COL22A1: variants seen among roughly 807,000 people sequenced by gnomAD.
COL22A1 encodes the protein collagen alpha-1(XXII) chain.
Under a neutral mutation model 248.9 loss-of-function variants are expected in COL22A1, and 221 were observed. The observed-to-expected ratio is 0.89, with a 90% CI of 0.80 to 0.99. COL22A1 has a LOEUF of 0.99. Among genes scored for constraint, COL22A1 ranks in the 50% least tolerant of loss-of-function variants. The pLI is 0.00. For synonymous variants in COL22A1, 891 were observed against 793.4 expected, an observed-to-expected ratio of 1.12 and a Z score of -2.07; for missense variants, 2,240 against 2,179.0, an observed-to-expected ratio of 1.03 and a Z score of -0.56.
intron 3 of COL22A1, among the ~76,000 whole-genome samples, chr8:138,860,549 T>C (rs934668792): frequency 5.3e-5 from 8 of 152,208 alleles, no homozygotes; most frequent in African/African-American, 1.4e-4. Flanking sequence ...TGGTGACTCA[T>C]GTAGTCCCAG....
chr8:138,861,800 A>G (rs140047919), intron 3 of COL22A1, among the ~76,000 whole-genome samples: 34 of 152,304 alleles, frequency 2.2e-4, no homozygotes, highest in African/African-American at 7.9e-4. Flanking sequence ...AACTGCTCCA[A>G]TGGGTGGAAG....
At chr8:138,631,809 TG>T (rs1176614639) in intron 49 of COL22A1, among the ~76,000 whole-genome samples, 1 of 152,158 alleles carries the variant, frequency 6.6e-6, no homozygotes, top group Non-Finnish European at 1.5e-5. Flanking sequence ...ATCCCTGCCC[TG>T]GGGAGGTCCC....
intron 10 of COL22A1, among the ~76,000 whole-genome samples, chr8:138,806,157 T>TGTGAGG (rs1817692015): frequency 2.6e-5 from 2 of 75,962 alleles, no homozygotes; most frequent in African/African-American, 1.5e-4. Flanking sequence ...TGTGATGGTG[T>TGTGAGG]GTGTGTGTGA....
At chr8:138,661,269 T>A (rs1823932848) in intron 43 of COL22A1, among the ~76,000 whole-genome samples, 1 of 152,126 alleles carries the variant, frequency 6.6e-6, no homozygotes, top group South Asian at 2.1e-4. Flanking sequence ...GACAGTAACC[T>A]TCTCTTTGGA....
chr8:138,618,613 T>G (rs1424693442), intron 53 of COL22A1, among the ~76,000 whole-genome samples: 2 of 152,238 alleles, frequency 1.3e-5, no homozygotes, highest in Non-Finnish European at 2.9e-5. Flanking sequence ...TTTATTTTTG[T>G]ATTTTATTTC....
chr8:138,899,150 C>T (rs898659988), intron 1 of COL22A1, among the ~76,000 whole-genome samples: 2 of 152,140 alleles, frequency 1.3e-5, no homozygotes, highest in African/African-American at 4.8e-5. Flanking sequence ...TTATTCTCCC[C>T]TTTCTCCTTT....
Position 138,604,730 on chromosome 8 carries a change from T to G in COL22A1, c.4140+4A>C. On this transcript the variant is annotated splice_donor_region_variant and intron_variant, in intron 59 of 64. Transcript: ENST00000303045. ...CAAGGGGTGAGTGGGCGTGTGATAC[T>G]TGCCTCCTTGCCTGGGACTCCTTTC... is the stretch of plus-strand genomic sequence containing the variant. 1 of 1,612,860 alleles carries G rather than the reference T, an allele frequency of 6.2e-7. No individual in the cohort carries two copies. Among genetic ancestry groups the G allele is most frequent in the Admixed American group, 1.7e-5 (1 of 59,936 alleles).
At chr8:138,637,693 T>G (rs1191293416) in intron 47 of COL22A1, among the ~76,000 whole-genome samples, 1 of 152,200 alleles carries the variant, frequency 6.6e-6, no homozygotes, top group Non-Finnish European at 1.5e-5. Context: ...AATAGTATCT[T>G]TGTCATGGGG....
rs577499071 is a variant in COL22A1 at position 138,890,196 on chromosome 8, A to AT, written c.-72-6953dup. ...TGACAAAACCCAGCACCCTTTCATG[A>AT]TAAAAAAAATAAAATAAGACTATAA... On this transcript the variant is annotated intron_variant, in intron 1 of 64. Transcript: ENST00000303045. Among the ~76,000 whole-genome samples the AT allele has an allele frequency of 1.8e-3, 272 of 152,212 alleles. 3 individuals are homozygous for AT. The highest frequency in any genetic ancestry group is 6.1e-3 in the African/African-American group (254 of 41,494).
intron 41 of COL22A1, among the ~76,000 whole-genome samples, chr8:138,672,868 T>A (rs1213230167): frequency 1.3e-5 from 2 of 152,214 alleles, no homozygotes; most frequent in African/African-American, 2.4e-5. Context: ...TGGGACCTTA[T>A]CTTCACAAAC....
At chr8:138,636,457 C>G (rs1392284418) in intron 48 of COL22A1, among the ~76,000 whole-genome samples, 1 of 28,126 alleles carries the variant, frequency 3.6e-5, no homozygotes, top group East Asian at 9.7e-4. Context: ...TAAAATAGTA[C>G]AAAAAGAAAG....
At chr8:138,822,880 C>A (rs181006750) in intron 6 of COL22A1, among the ~76,000 whole-genome samples, 39 of 152,328 alleles carry the variant, frequency 2.6e-4, no homozygotes, top group African/African-American at 8.9e-4. Context: ...CTCCCCGTTC[C>A]CCTGCCTATC....
chr8:138,676,623 C>T lies in COL22A1; in HGVS notation c.3085G>A (p.Ala1029Thr), dbSNP rs775382220. The change falls in exon 41 of 65, where the codon GCT (alanine) becomes ACT (threonine). Residue 1029 changes from alanine (A) to threonine (T), a missense_variant. Coordinates refer to ENST00000303045, the MANE Select transcript of COL22A1 (RefSeq NM_152888.3). Reference sequence around the variant, plus strand: ...CCAGGAGAACCAGGGATCCCAGGAGCTCCTCGATCCCCCTAGAAAGAGAGA... The same window carrying T: ...CCAGGAGAACCAGGGATCCCAGGAGTTCCTCGATCCCCCTAGAAAGAGAGA... Reference protein sequence around the residue: ...GGQCVKGDRGAPGIPGSPGSR... With the variant: ...GGQCVKGDRGTPGIPGSPGSR... The T allele has an allele frequency of 2.6e-6, 4 of 1,564,092 alleles. No homozygotes were observed. Among genetic ancestry groups the T allele is most frequent in the Middle Eastern group, 1.7e-4 (1 of 5,990 alleles).
intron 33 of COL22A1, 24 bp downstream of exon 33, chr8:138,694,802 G>A (rs1401422995): frequency 1.2e-6 from 2 of 1,612,904 alleles, no homozygotes; most frequent in Admixed American, 3.3e-5. Context: ...AGCCCTGCGG[G>A]GGAAGGGGAC....
At chr8:138,816,809 G>T (rs1028602016) in intron 7 of COL22A1, among the ~76,000 whole-genome samples, 20 of 152,192 alleles carry the variant, frequency 1.3e-4, no homozygotes, top group Non-Finnish European at 2.5e-4. Flanking sequence ...GCTTCTGGAA[G>T]ATTTACTAAG....
intron 15 of COL22A1, among the ~76,000 whole-genome samples, chr8:138,776,627 C>T (rs1172456565): frequency 6.6e-6 from 1 of 151,500 alleles, no homozygotes; most frequent in East Asian, 2.0e-4. Flanking sequence ...CCCCCTGCTT[C>T]CCCCCACCCC....
intron 38 of COL22A1, 26 bp from the exon 39 acceptor site, chr8:138,684,495 A>G (rs1287290286): frequency 6.3e-7 from 1 of 1,575,180 alleles, no homozygotes; most frequent in East Asian, 2.2e-5. Context: ...ATACAAGGAC[A>G]ATCATGGAGC....
At chr8:138,651,856 T>C (rs76368981) in intron 45 of COL22A1, among the ~76,000 whole-genome samples, 2,389 of 152,308 alleles carry the variant, frequency 0.016, 57 homozygotes, top group African/African-American at 0.055. Context: ...GTGGGATCCA[T>C]AACATAAAAA....
chr8:138,885,163 T>C (rs796272966), intron 1 of COL22A1, among the ~76,000 whole-genome samples: 10 of 152,298 alleles, frequency 6.6e-5, no homozygotes, highest in Middle Eastern at 3.4e-3. Context: ...TAGGAATTAT[T>C]TGTGGCTCCA....
Sources: allele counts gnomAD v4.1 joint callset (sites outside exome capture counted in the v4.1 genomes callset), GRCh38; gene constraint gnomAD v4.1.1; transcripts MANE v1.5; gene names NCBI Gene and HGNC (gene_info 2026-07-23, HGNC 2026-07-21).